Variants in DAB1 observed in about 807,000 individuals in gnomAD.
DAB1 encodes the protein DAB adaptor protein 1.
A neutral mutation model predicts 64.6 loss-of-function variants in DAB1; 15 were observed. The observed-to-expected ratio is 0.23, with a 90% CI of 0.16 to 0.36. The LOEUF is 0.36. Among genes scored for constraint, DAB1 ranks in the 10% least tolerant of loss-of-function variants. The pLI is 1.00. For synonymous variants in DAB1, 235 were observed against 251.9 expected, an observed-to-expected ratio of 0.93 and a Z score of 0.64; for missense variants, 596 against 706.7, an observed-to-expected ratio of 0.84 and a Z score of 1.78.
intron 7 of DAB1, among the ~76,000 whole-genome samples, chr1:57,611,415 G>A (rs538341889): frequency 6.6e-6 from 1 of 152,244 alleles, no homozygotes; most frequent in South Asian, 2.1e-4. Context: ...AAAACATAAG[G>A]CAAAGGCTGA....
chr1:58,180,686 C>T (rs1376223069), intron 4 of DAB1, among the ~76,000 whole-genome samples: 1 of 152,098 alleles, frequency 6.6e-6, no homozygotes, highest in Non-Finnish European at 1.5e-5. Context: ...TGGTTTCATT[C>T]TTGTTCAGTA....
intron 9 of DAB1, among the ~76,000 whole-genome samples, chr1:57,042,603 C>T (rs538464417): frequency 2.6e-5 from 4 of 152,252 alleles, no homozygotes; most frequent in Admixed American, 2.0e-4. Context: ...CTGTCTTATT[C>T]ATCTTTGATT....
At chr1:57,409,656 A>G (rs541277185) in intron 1 of DAB1, among the ~76,000 whole-genome samples, 2 of 152,264 alleles carry the variant, frequency 1.3e-5, no homozygotes, top group South Asian at 4.2e-4. Flanking sequence ...TAAAAATACA[A>G]AAATTAGCTG....
At chr1:57,250,509 C>T (rs998485850) in intron 2 of DAB1, among the ~76,000 whole-genome samples, 2 of 152,140 alleles carry the variant, frequency 1.3e-5, no homozygotes, top group African/African-American at 4.8e-5. Flanking sequence ...TCTTTAAGGG[C>T]AGTCTTAGTT....
At chr1:57,079,163 G>A (rs1370245077) in intron 4 of DAB1, among the ~76,000 whole-genome samples, 2 of 151,518 alleles carry the variant, frequency 1.3e-5, no homozygotes, top group Admixed American at 1.3e-4. Flanking sequence ...GTTCTCTCTT[G>A]AGTGGTGGAA....
intron 4 of DAB1, among the ~76,000 whole-genome samples, chr1:58,247,033 T>A (rs554730064): frequency 1.3e-5 from 2 of 152,246 alleles, no homozygotes; most frequent in African/African-American, 4.8e-5. Context: ...AGGGAGCACT[T>A]TATGTTTTTG....
At chr1:58,362,617 T>C (rs76147720) in intron 3 of DAB1, among the ~76,000 whole-genome samples, 6,366 of 152,220 alleles carry the variant, frequency 0.042, 221 homozygotes, top group East Asian at 0.18. Flanking sequence ...TGTAGCTGAA[T>C]GTGGGGGTAG....
upstream of DAB1, among the ~76,000 whole-genome samples, chr1:57,425,749 G>A (rs1379819311): frequency 1.3e-5 from 2 of 152,128 alleles, no homozygotes; most frequent in Non-Finnish European, 2.9e-5. Context: ...GATACTACTC[G>A]GTTTCTACCT....
chr1:57,120,294 T>C (rs2100749819), intron 4 of DAB1, among the ~76,000 whole-genome samples: 1 of 152,310 alleles, frequency 6.6e-6, no homozygotes, highest in South Asian at 2.1e-4. Flanking sequence ...CATTCATTTA[T>C]TCAACGTAAC....
At chr1:57,389,481 G>A (rs886493692) in intron 1 of DAB1, among the ~76,000 whole-genome samples, 4 of 152,250 alleles carry the variant, frequency 2.6e-5, no homozygotes, top group African/African-American at 7.2e-5. Flanking sequence ...TCAACTAAGG[G>A]AAACACACCA....
At position 58,379,170 on chromosome 1, in the gene DAB1, G is replaced by A. The variant is rs545414779; in HGVS notation, n.258-35767C>T. Among the ~76,000 whole-genome samples the A allele has an allele frequency of 1.9e-3, 289 of 152,214 alleles. 1 individual carries two copies. Among genetic ancestry groups the A allele is most frequent in the South Asian group, 3.3e-3 (16 of 4,820 alleles). Reference sequence around the variant, plus strand: ...TCGCTCACGCTGGGAGCTGTAGACCGGAGCTGTTCCTATTCGGCCATCTTG... The same window carrying A: ...TCGCTCACGCTGGGAGCTGTAGACCAGAGCTGTTCCTATTCGGCCATCTTG... On this transcript the variant is annotated intron_variant and non_coding_transcript_variant, in intron 3 of 20. Coordinates refer to the DAB1 transcript ENST00000485760.
At chr1:57,715,151 C>T (rs1333364137) in intron 6 of DAB1, among the ~76,000 whole-genome samples, 2 of 152,122 alleles carry the variant, frequency 1.3e-5, no homozygotes, top group African/African-American at 4.8e-5. Flanking sequence ...CATGATAAAT[C>T]ACATTAATAG....
At chr1:57,455,766 T>C (rs974778807) in intron 7 of DAB1, among the ~76,000 whole-genome samples, 3 of 151,964 alleles carry the variant, frequency 2.0e-5, no homozygotes, top group African/African-American at 4.8e-5. Context: ...CTGTTGAACA[T>C]GGAATAAAGA....
chr1:57,142,792 C>T (rs749250284), intron 3 of DAB1, among the ~76,000 whole-genome samples: 14 of 152,164 alleles, frequency 9.2e-5, no homozygotes, highest in African/African-American at 9.6e-5. Flanking sequence ...GCTGTGTGAC[C>T]GATCCTGGTG....
At chr1:58,503,849 T>C (rs988784410) in intron 3 of DAB1, among the ~76,000 whole-genome samples, 3 of 152,162 alleles carry the variant, frequency 2.0e-5, no homozygotes, top group Non-Finnish European at 2.9e-5. Flanking sequence ...CTGAACAAAC[T>C]AAAATAGGTG....
At chr1:58,310,057 T>C (rs1260651743) in intron 4 of DAB1, among the ~76,000 whole-genome samples, 1 of 152,190 alleles carries the variant, frequency 6.6e-6, no homozygotes, top group African/African-American at 2.4e-5. Flanking sequence ...ATTAGTCAAG[T>C]GACTACTTGG....
At chr1:58,420,104 A>T (rs1644758137) in intron 3 of DAB1, among the ~76,000 whole-genome samples, 1 of 152,188 alleles carries the variant, frequency 6.6e-6, no homozygotes, top group African/African-American at 2.4e-5. Flanking sequence ...GAGTTATTTC[A>T]TTAGTCAAAG....
intron 1 of DAB1, among the ~76,000 whole-genome samples, chr1:57,338,809 C>T (rs1677313181): frequency 6.6e-6 from 1 of 152,142 alleles, no homozygotes; most frequent in South Asian, 2.1e-4. Flanking sequence ...CATCTTGGCT[C>T]TGTTGTCTCA....
chr1:57,077,291 C>T (rs1181437985), intron 4 of DAB1, among the ~76,000 whole-genome samples: 2 of 152,190 alleles, frequency 1.3e-5, no homozygotes, highest in East Asian at 1.9e-4. Flanking sequence ...ATGTTAGGCC[C>T]TTCAGAGAAA....
Sources: gnomAD v4.1 joint callset for allele counts (sites outside exome capture counted in the v4.1 genomes callset) on GRCh38, gnomAD v4.1.1 for gene constraint, MANE v1.5 for transcripts, NCBI Gene and HGNC (gene_info 2026-07-23, HGNC 2026-07-21) for gene names.